The following PKN2 variants were observed in gnomAD, a reference collection of about 807,000 sequenced individuals.
The protein encoded by PKN2 is protein kinase N2, also known as serine/threonine-protein kinase N2.
Under a neutral mutation model 119.1 loss-of-function variants are expected in PKN2, and 38 were observed. The observed-to-expected ratio is 0.32, with a 90% CI of 0.25 to 0.42. The LOEUF (loss-of-function observed/expected upper bound fraction) is 0.42. Among genes scored for constraint, PKN2 ranks in the 10% least tolerant of loss-of-function variants. The probability of loss-of-function intolerance (pLI) is 1.00; values close to 1 mark genes in which losing one functional copy is unlikely to be tolerated. For missense variants in PKN2, 850 were observed against 1,165.1 expected (o/e 0.73, Z 3.94); for synonymous variants, 390 against 384.9 (o/e 1.01, Z -0.15).
chr1:88,832,692 G>T (rs373012666), intron 19 of PKN2, 52 bp from the exon 20 acceptor site: 8 of 1,023,476 alleles, frequency 7.8e-6, no homozygotes, highest in Non-Finnish European at 1.2e-5. Context: ...TGGGTGATAA[G>T]ATTTTACTGC....
intron 1 of PKN2, among the ~76,000 whole-genome samples, chr1:88,734,385 T>A (rs747217737): frequency 6.6e-6 from 1 of 152,190 alleles, no homozygotes; most frequent in Non-Finnish European, 1.5e-5. Flanking sequence ...GAGTTTTGTC[T>A]GTGGTGAGAG....
chr1:88,782,956 G>T (rs1670413134), intron 6 of PKN2, among the ~76,000 whole-genome samples: 1 of 152,136 alleles, frequency 6.6e-6, no homozygotes, highest in South Asian at 2.1e-4. Flanking sequence ...ACCCTTTTGG[G>T]TACTGCTTTT....
In PKN2 at chr1:88,835,029, A is replaced by G. The variant is rs1197550017; in HGVS notation, c.*1581A>G. ...TTCAGGTGTAAATCTTATGAGAAAC[A>G]TGAAAAAGCACACTGATTTATGGAG... is the stretch of plus-strand genomic sequence containing the variant. On this transcript the variant is annotated 3_prime_UTR_variant, in exon 22 of 22. Transcript: ENST00000370521. 1 of 152,496 alleles carries G rather than the reference A, an allele frequency of 6.6e-6. No homozygotes were observed. Among genetic ancestry groups the G allele is most frequent in the African/African-American group, 2.4e-5 (1 of 41,442 alleles). 9.4% of individuals were successfully genotyped at this position (152,496 alleles called of 1,614,324 possible). A position where few individuals can be genotyped will look rare whatever the true frequency, so the allele number is the denominator to read the frequency against.
intron 9 of PKN2, 72 bp from the exon 10 acceptor site, chr1:88,804,774 A>G: frequency 1.1e-6 from 1 of 909,838 alleles, no homozygotes; most frequent in Non-Finnish European, 1.7e-6. Flanking sequence ...CTTAAGCTTT[A>G]AAATTTTATA....
intron 1 of PKN2, among the ~76,000 whole-genome samples, chr1:88,739,135 A>T (rs1340813475): frequency 6.6e-6 from 1 of 152,142 alleles, no homozygotes; most frequent in African/African-American, 2.4e-5. Flanking sequence ...TAACAACATG[A>T]AATTTTCTTT....
chr1:88,756,546 A>G (rs778333465), intron 2 of PKN2, among the ~76,000 whole-genome samples: 1 of 152,146 alleles, frequency 6.6e-6, no homozygotes, highest in Non-Finnish European at 1.5e-5. Context: ...ACACATTTTC[A>G]TACTCTTCTC....
intron 6 of PKN2, among the ~76,000 whole-genome samples, chr1:88,777,063 G>A (rs979667081): frequency 1.6e-4 from 25 of 152,044 alleles, no homozygotes; most frequent in African/African-American, 6.0e-4. Context: ...GTGCTTTATG[G>A]TATTTCTCTT....
chr1:88,751,239 C>T (rs998873142), intron 2 of PKN2, among the ~76,000 whole-genome samples: 1 of 151,970 alleles, frequency 6.6e-6, no homozygotes, highest in African/African-American at 2.4e-5. Flanking sequence ...TATAGGTGCT[C>T]AGTGTAAAAT....
At chr1:88,751,407 A>AC (rs751473261) in intron 2 of PKN2, among the ~76,000 whole-genome samples, 5 of 148,514 alleles carry the variant, frequency 3.4e-5, no homozygotes, top group Non-Finnish European at 7.4e-5. Context: ...CACACACCTG[A>AC]CTCTAACCTC....
At chr1:88,690,560 T>G (rs1666292504) in intron 1 of PKN2, among the ~76,000 whole-genome samples, 1 of 152,168 alleles carries the variant, frequency 6.6e-6, no homozygotes, top group African/African-American at 2.4e-5. Flanking sequence ...GATTTAAAAT[T>G]TAGAGTGGGA....
chr1:88,775,449 G>A (rs1405823590), intron 6 of PKN2, among the ~76,000 whole-genome samples: 1 of 151,906 alleles, frequency 6.6e-6, no homozygotes, highest in Non-Finnish European at 1.5e-5. Context: ...CTCATTTTTG[G>A]TTTTGTGCTG....
chr1:88,789,362 A>G (rs183161215), intron 8 of PKN2, among the ~76,000 whole-genome samples: 5 of 152,292 alleles, frequency 3.3e-5, no homozygotes, highest in Non-Finnish European at 7.4e-5. Flanking sequence ...AAGGCAAGTC[A>G]CAAGATTATA....
intron 1 of PKN2, among the ~76,000 whole-genome samples, chr1:88,685,963 A>G (rs1330220392): frequency 2.0e-5 from 3 of 152,234 alleles, no homozygotes; most frequent in South Asian, 2.1e-4. Context: ...GACTTTAACA[A>G]TGTATATCAA....
chr1:88,793,080 G>C (rs1670911638), intron 8 of PKN2, among the ~76,000 whole-genome samples: 1 of 152,120 alleles, frequency 6.6e-6, no homozygotes, highest in Non-Finnish European at 1.5e-5. Flanking sequence ...AGCATTAGGA[G>C]GTGGCTACAA....
chr1:88,801,324 G>A (rs2100865411), intron 8 of PKN2, among the ~76,000 whole-genome samples: 1 of 152,324 alleles, frequency 6.6e-6, no homozygotes, highest in Middle Eastern at 3.4e-3. Context: ...GGCAGAGGTT[G>A]CAGTGAGCTG....
intron 6 of PKN2, among the ~76,000 whole-genome samples, chr1:88,776,838 AATT>A (rs925457706): frequency 7.3e-5 from 11 of 151,648 alleles, no homozygotes; most frequent in African/African-American, 2.7e-4. Flanking sequence ...GTAAGTGATG[AATT>A]ATTTTTGTCT....
chr1:88,751,512 C>T (rs965122027), intron 2 of PKN2, among the ~76,000 whole-genome samples: 3 of 151,984 alleles, frequency 2.0e-5, no homozygotes, highest in Non-Finnish European at 4.4e-5. Flanking sequence ...ATTAAGTTCC[C>T]TCTGTCCAAA....
At chr1:88,830,593 AAT>A (rs200120883) in intron 19 of PKN2, among the ~76,000 whole-genome samples, 1,689 of 152,246 alleles carry the variant, frequency 0.011, 26 homozygotes, top group African/African-American at 0.039. Context: ...ACATGTGCAA[AAT>A]ATGAGTTTAT....
intron 1 of PKN2, among the ~76,000 whole-genome samples, chr1:88,733,816 A>G (rs1277022425): frequency 6.6e-6 from 1 of 152,200 alleles, no homozygotes; most frequent in Admixed American, 6.5e-5. Context: ...TTCCAAATCA[A>G]ATTTTGAAAA....
Sources: allele counts gnomAD v4.1 joint callset (sites outside exome capture counted in the v4.1 genomes callset), GRCh38; gene constraint gnomAD v4.1.1; transcripts MANE v1.5; gene names NCBI Gene and HGNC (gene_info 2026-07-23, HGNC 2026-07-21).